Variants in CFAP54 observed in about 807,000 individuals in gnomAD.
The protein encoded by CFAP54 is cilia and flagella associated protein 54.
A neutral mutation model predicts 370.4 loss-of-function variants in CFAP54; 290 were observed. The observed-to-expected ratio is 0.78, with a 90% CI of 0.71 to 0.86. CFAP54 has a LOEUF of 0.86. CFAP54 is among the 40% of genes least tolerant of loss of function. CFAP54 has a pLI of 0.00. For missense variants in CFAP54, 3,399 were observed against 3,528.7 expected, an observed-to-expected ratio of 0.96 and a Z score of 0.93; for synonymous variants, 1,206 against 1,236.5, an observed-to-expected ratio of 0.98 and a Z score of 0.52.
chr12:96,777,613 T>C (rs1958531635), intron 60 of CFAP54, among the ~76,000 whole-genome samples: 1 of 152,148 alleles, frequency 6.6e-6, no homozygotes, highest in Non-Finnish European at 1.5e-5. Flanking sequence ...CCTCCCAAAG[T>C]GCTGGGATTA....
chr12:96,840,672 T>C (rs1317417651), intron 66 of CFAP54, among the ~76,000 whole-genome samples: 1 of 151,138 alleles, frequency 6.6e-6, no homozygotes, highest in Non-Finnish European at 1.5e-5. Context: ...ATAAATTTTA[T>C]GGGCATCTAT....
intron 50 of CFAP54, among the ~76,000 whole-genome samples, chr12:96,725,740 C>G (rs933282409): frequency 4.6e-5 from 7 of 152,204 alleles, no homozygotes; most frequent in Non-Finnish European, 8.8e-5. Flanking sequence ...GAGGGGGCAT[C>G]CCTGTCTTCT....
At position 96,784,831 on chromosome 12, in the gene CFAP54, T is replaced by G. The variant is rs1446136181; in HGVS notation, c.8396T>G (p.Ile2799Ser). The change falls in exon 61 of 68, where the codon ATC becomes AGC. Residue 2799 changes from isoleucine to serine, a missense_variant. Coordinates refer to ENST00000524981, the MANE Select transcript of CFAP54 (RefSeq NM_001306084.2). ...CAGACCAAAGTGGATATTACATGGA[T>G]CCTTCTACTGCGCTACTATATTCAC... is the stretch of plus-strand genomic sequence containing the variant. Reference protein sequence around the residue: ...KTQTKVDITWILLLRYYIHLQ... With the variant: ...KTQTKVDITWSLLLRYYIHLQ... 5 of 1,533,960 alleles carry G rather than the reference T, an allele frequency of 3.3e-6. No homozygotes were observed. The highest frequency in any genetic ancestry group is 4.4e-6 in the Non-Finnish European group (5 of 1,145,736).
intron 67 of CFAP54, among the ~76,000 whole-genome samples, chr12:96,874,265 G>C (rs1049773962): frequency 6.6e-6 from 1 of 152,070 alleles, no homozygotes; most frequent in Non-Finnish European, 1.5e-5. Flanking sequence ...TCCACAGGAT[G>C]GTATTTCAAT....
At chr12:96,626,479 T>A (rs1956550507) in intron 29 of CFAP54, among the ~76,000 whole-genome samples, 1 of 151,912 alleles carries the variant, frequency 6.6e-6, no homozygotes, top group Non-Finnish European at 1.5e-5. Context: ...TAATTCAGAG[T>A]GAAATATAAT....
intron 4 of CFAP54, among the ~76,000 whole-genome samples, chr12:96,510,653 A>T (rs893458245): frequency 1.3e-5 from 2 of 151,990 alleles, no homozygotes; most frequent in African/African-American, 4.8e-5. Flanking sequence ...GCAAAGAAAC[A>T]CTTAGACAGT....
chr12:96,800,217 CAA>C (rs2136711163), intron 63 of CFAP54, among the ~76,000 whole-genome samples: 1 of 152,242 alleles, frequency 6.6e-6, no homozygotes, highest in South Asian at 2.1e-4. Flanking sequence ...AAAAACAAAA[CAA>C]AACAACATCT....
intron 5 of CFAP54, among the ~76,000 whole-genome samples, chr12:96,518,044 GTC>G: frequency 6.6e-6 from 1 of 152,218 alleles, no homozygotes; most frequent in African/African-American, 2.4e-5. Flanking sequence ...TTCCTAGCAT[GTC>G]ATGTACGTTG....
At position 96,580,687 on chromosome 12, in the gene CFAP54, G is replaced by A. The variant is rs1956024729; in HGVS notation, c.2887G>A (p.Ala963Thr). Reference protein sequence around the residue: ...NNNHLPNSGEAIPADGKSVFE... With the variant: ...NNNHLPNSGETIPADGKSVFE... ...TAATCATCTCCCAAATTCAGGAGAAGCGGTACGTCAAATTAAACATCAGGA... is the reference window on the plus strand; with the variant it reads ...TAATCATCTCCCAAATTCAGGAGAAACGGTACGTCAAATTAAACATCAGGA... The change falls in exon 21 of 68, where the codon GCG becomes ACG. Residue 963 changes from alanine (A) to threonine (T), a missense_variant and splice_region_variant. Ala to Thr is a moderately conservative substitution (Grantham distance 58). Coordinates refer to ENST00000524981, the MANE Select transcript of CFAP54 (RefSeq NM_001306084.2). The A allele has an allele frequency of 2.0e-6, 3 of 1,501,304 alleles. No individual in the cohort carries two copies. In the East Asian group the frequency reaches 7.4e-5, roughly 37 times the overall value. 93.0% of individuals were successfully genotyped at this position (1,501,304 alleles called of 1,614,324 possible). A position where few individuals can be genotyped will look rare whatever the true frequency, so the allele number is the denominator to read the frequency against.
rs1491258634 is a variant in CFAP54 at position 96,503,078 on chromosome 12, CTT to C, written c.424-806_424-805del. Among the ~76,000 whole-genome samples, 809 of 91,144 alleles carry C rather than the reference CTT, an allele frequency of 8.9e-3. 12 individuals are homozygous for C. Among genetic ancestry groups the C allele is most frequent in the African/African-American group, 0.031 (746 of 23,732 alleles). The allele number at this position is 91,144 out of a possible 152,430, so 59.8% of individuals were successfully genotyped here. A position where few individuals can be genotyped will look rare whatever the true frequency, so the allele number is the denominator to read the frequency against. On this transcript the variant is annotated intron_variant, in intron 2 of 67. Coordinates refer to ENST00000524981, the MANE Select transcript of CFAP54 (RefSeq NM_001306084.2). ...TTCCTTTCTCTCTCTCTCTTTCTTT[CTT>C]TCTCTTTCTTTCTTTCTCTCTCTCT...
intron 67 of CFAP54, among the ~76,000 whole-genome samples, chr12:96,868,321 T>G (rs1309382412): frequency 1.3e-5 from 2 of 152,186 alleles, no homozygotes; most frequent in African/African-American, 4.8e-5. Flanking sequence ...TTATGTTTAT[T>G]TGACTCCTAC....
chr12:96,709,755 T>C (rs181242130), intron 48 of CFAP54, among the ~76,000 whole-genome samples: 71 of 146,468 alleles, frequency 4.8e-4, no homozygotes, highest in African/African-American at 1.8e-3. Flanking sequence ...GGAGTCTTAC[T>C]CTGTTGCCCA....
chr12:96,509,111 G>A (rs1955138808), intron 4 of CFAP54, among the ~76,000 whole-genome samples: 1 of 152,212 alleles, frequency 6.6e-6, no homozygotes, highest in Non-Finnish European at 1.5e-5. Context: ...ACATTCTCAT[G>A]CTGACTTCCA....
chr12:96,826,944 T>G (rs896689925), intron 65 of CFAP54, among the ~76,000 whole-genome samples: 9 of 128,118 alleles, frequency 7.0e-5, no homozygotes, highest in Non-Finnish European at 1.2e-4. Context: ...TGCAATTATG[T>G]ATGATTATAT....
intron 55 of CFAP54, among the ~76,000 whole-genome samples, chr12:96,745,001 C>T (rs1229713449): frequency 6.6e-6 from 1 of 152,214 alleles, no homozygotes; most frequent in Non-Finnish European, 1.5e-5. Context: ...CTTCCAACTC[C>T]ATCCATAGGA....
chr12:96,504,446 A>C (rs1349634242), intron 3 of CFAP54, among the ~76,000 whole-genome samples: 2 of 152,264 alleles, frequency 1.3e-5, no homozygotes, highest in Non-Finnish European at 2.9e-5. Flanking sequence ...AAATATTTAT[A>C]CTTTATTTCT....
Position 96,534,200 on chromosome 12 carries a change from ATTTATTT to A in CFAP54, c.1679_1685del (p.Ile560LysfsTer11). ...CTATAAAGAAGGACAGTCAACTCAA[ATTTATTT>A]AAAAAAAATTGCTGTTCATGGTAAG... On this transcript the variant is annotated frameshift_variant, in exon 11 of 68. Transcript: ENST00000524981. LOFTEE classifies it high-confidence loss of function. 1 of 1,468,150 alleles carries A rather than the reference ATTTATTT, an allele frequency of 6.8e-7. No homozygotes were observed. The highest frequency in any genetic ancestry group is 9.1e-7 in the Non-Finnish European group (1 of 1,103,150). The allele number at this position is 1,468,150 out of a possible 1,614,324, so 90.9% of individuals were successfully genotyped here. A position where few individuals can be genotyped will look rare whatever the true frequency, so the allele number is the denominator to read the frequency against.
intron 26 of CFAP54, among the ~76,000 whole-genome samples, chr12:96,603,809 G>T (rs1020783176): frequency 5.3e-5 from 8 of 152,060 alleles, no homozygotes; most frequent in African/African-American, 1.9e-4. Context: ...GCTACATCAG[G>T]TCATTTAAGG....
At chr12:96,533,632 C>T (rs1048191067) in intron 9 of CFAP54, among the ~76,000 whole-genome samples, 160 bp from the exon 10 acceptor site, 1 of 152,182 alleles carries the variant, frequency 6.6e-6, no homozygotes, top group Non-Finnish European at 1.5e-5. Context: ...AAGCACCACC[C>T]TGTATTTGCC....
Sources: allele counts gnomAD v4.1 joint callset (sites outside exome capture counted in the v4.1 genomes callset), GRCh38; gene constraint gnomAD v4.1.1; transcripts MANE v1.5; gene names NCBI Gene and HGNC (gene_info 2026-07-23, HGNC 2026-07-21).